Variants in TAF9B observed in about 807,000 individuals in gnomAD.
TAF9B encodes the protein transcription initiation factor TFIID subunit 9B.
In TAF9B, 47 loss-of-function variants were observed where a neutral mutation model predicts 17.6. The ratio of observed to expected loss-of-function variants is 2.68; its 90% CI spans 2.12 to 3.41. The LOEUF is 3.41. Ranked by LOEUF, TAF9B falls within the 30% of genes most tolerant of loss-of-function variation. TAF9B has a pLI of 0.00. For synonymous variants in TAF9B, 84 were observed against 68.7 expected (o/e 1.22, Z -1.10); for missense variants, 218 against 189.3 (o/e 1.15, Z -0.89).
intron 5 of TAF9B, among the ~76,000 whole-genome samples, chrX:78,133,660 G>A (rs1557249779): frequency 1.8e-5 from 2 of 111,741 alleles, no homozygotes; most frequent in Admixed American, 1.9e-4. Flanking sequence ...AAAGAATGTA[G>A]GCTCTGTAGC....
chrX:78,133,442 G>C lies in TAF9B; in HGVS notation c.488C>G (p.Pro163Arg). 1 of 1,201,075 alleles carries C rather than the reference G, an allele frequency of 8.3e-7. No homozygotes were observed. Among genetic ancestry groups the C allele is most frequent in the East Asian group, 3.0e-5 (1 of 33,799 alleles). Residue 163 changes from proline (P) to arginine (R), a missense_variant, in exon 6 of 7, where the codon CCA (proline) becomes CGA (arginine). Physicochemically the swap from Pro to Arg is moderately radical, Grantham distance 103. Coordinates refer to ENST00000341864, the MANE Select transcript of TAF9B (RefSeq NM_015975.5). ...SKPTTPTIAT[P>R]QTVSVPNKVA... is the part of the protein sequence containing the mutation. ...TTTATTTGGGACAGACACCGTTTGT[G>C]GGGTTGCTGTAGTTACAATAAACAG...
rs782577821 is a variant in TAF9B at position 78,131,742 on chromosome X, C to T, written c.624G>A (p.Leu208=). ...VPATTAVQNV[L]INPSMIGPKN... ...TGGGCCCAATCATTGAAGGATTAAT[C>T]AGAACATTTTGAACTGCAGTTGTTG... The change falls in exon 7 of 7, where the codon CTG becomes CTA. Residue 208 remains leucine, a synonymous_variant. Transcript: ENST00000341864. 5.8e-6 allele frequency: 7 copies of T among 1,207,375 alleles called. No individual in the cohort carries two copies. Among genetic ancestry groups the T allele is most frequent in the Non-Finnish European group, 7.8e-6 (7 of 893,972 alleles).
chrX:78,137,102 C>A, intron 4 of TAF9B, 112 bp from the exon 5 acceptor site: 1 of 545,881 alleles, frequency 1.8e-6, no homozygotes, highest in South Asian at 3.4e-5. Context: ...CAAGAAAGTC[C>A]TGTTTTTGTT....
rs186514273 is a variant in TAF9B at position 78,138,726 on chromosome X, G to C, written c.133+117C>G. ...GCCAAGATCGCGCCACTGCCTTCTA[G>C]CCTGGGCAACAGCGAGTCCCTGTCT... On this transcript the variant is annotated intron_variant, in intron 2 of 6. Coordinates refer to ENST00000341864, the MANE Select transcript of TAF9B (RefSeq NM_015975.5). The C allele has an allele frequency of 4.0e-4, 243 of 611,325 alleles. No homozygotes were observed. The African/African-American group carries it at 5.1e-3, about 13-fold the overall frequency. The allele number at this position is 611,325 out of a possible 1,213,427, so 50.4% of individuals were successfully genotyped here. A position where few individuals can be genotyped will look rare whatever the true frequency, so the allele number is the denominator to read the frequency against.
At chrX:78,131,962 ATCTT>A (rs1289913798) in intron 6 of TAF9B, among the ~76,000 whole-genome samples, 189 bp from the exon 7 acceptor site, 3 of 112,504 alleles carry the variant, frequency 2.7e-5, no homozygotes, top group South Asian at 3.6e-4. Flanking sequence ...ATTTTAAAAA[ATCTT>A]TATTTTTAAT....
At chrX:78,136,118 A>C (rs1479874770) in intron 5 of TAF9B, among the ~76,000 whole-genome samples, 1 of 111,598 alleles carries the variant, frequency 9.0e-6, no homozygotes, top group Non-Finnish European at 1.9e-5. Context: ...TTCTGAAAAT[A>C]CTTTGAATAC....
intron 2 of TAF9B, among the ~76,000 whole-genome samples, chrX:78,138,511 C>A (rs1378234060): frequency 8.9e-6 from 1 of 112,745 alleles, no homozygotes; most frequent in Non-Finnish European, 1.9e-5. Flanking sequence ...GTAATCCCAA[C>A]ACTTTGGGAG....
At chrX:78,139,317 G>A (rs2078446857) in intron 1 of TAF9B, among the ~76,000 whole-genome samples, 1 of 111,593 alleles carries the variant, frequency 9.0e-6, no homozygotes, top group Non-Finnish European at 1.9e-5. Context: ...CGAAGCCCAG[G>A]ACACAAAGCT....
At chrX:78,138,646 T>C (rs2078443880) in intron 2 of TAF9B, among the ~76,000 whole-genome samples, 197 bp downstream of exon 2, 1 of 112,140 alleles carries the variant, frequency 8.9e-6, no homozygotes, top group Non-Finnish European at 1.9e-5. Flanking sequence ...TAGTCCCAGC[T>C]CGGGAGGCTG....
At position 78,139,646 on chromosome X, in the gene TAF9B, G is replaced by T. The variant is rs782740319; in HGVS notation, c.-35C>A. On this transcript the variant is annotated 5_prime_UTR_variant, in exon 1 of 7. Coordinates refer to ENST00000341864, the MANE Select transcript of TAF9B (RefSeq NM_015975.5). ...CCACTCGTCATCCGCGGAGACAGAG[G>T]AGAGAGGAGAGCTCGCGGGCTCCTC... 1 of 1,209,307 alleles carries T rather than the reference G, an allele frequency of 8.3e-7. No individual in the cohort carries two copies.
intron 6 of TAF9B, among the ~76,000 whole-genome samples, chrX:78,132,403 C>G (rs138195438): frequency 0.029 from 3,246 of 111,527 alleles, 135 homozygotes; most frequent in Admixed American, 0.16. Context: ...TTTTAACAAC[C>G]TAGAATTTCA....
chrX:78,133,658 T>C (rs1239294034), intron 5 of TAF9B, among the ~76,000 whole-genome samples: 3 of 111,919 alleles, frequency 2.7e-5, no homozygotes, highest in Non-Finnish European at 5.6e-5. Flanking sequence ...GTAAAGAATG[T>C]AGGCTCTGTA....
rs782526456 is a variant in TAF9B at position 78,131,207 on chromosome X, CAGTA to C, written c.*399_*402del. 3.8e-5 allele frequency: 4 copies of C among 105,120 alleles called. No homozygotes were observed. Among genetic ancestry groups the C allele is most frequent in the East Asian group, 3.0e-4 (1 of 3,302 alleles). The allele number at this position is 105,120 out of a possible 1,213,427, so 8.7% of individuals were successfully genotyped here. ...TAAAAAAAAAAAAATTAGCTAGTGACAGTAAGTAACTATATTACCTTATAAAATA... is the reference window on the plus strand; with the variant it reads ...TAAAAAAAAAAAAATTAGCTAGTGACAGTAACTATATTACCTTATAAAATA... On this transcript the variant is annotated 3_prime_UTR_variant, in exon 7 of 7. Coordinates refer to ENST00000341864, the MANE Select transcript of TAF9B (RefSeq NM_015975.5).
rs782173722 is a variant in TAF9B, at chrX:78,138,909, G to T, written c.67C>A (p.Leu23Met). The stretch of plus-strand genomic sequence containing the variant: ...TACTCTGTGATTCCCATATCCTTCA[G>T]GATCTGTGCCATCACCTGTGGATTC... ...PRDALVMAQI[L>M]KDMGITEYEP... is the part of the protein sequence containing the mutation. Residue 23 changes from leucine to methionine, a missense_variant, in exon 2 of 7, where the codon CTG (leucine) becomes ATG (methionine). Transcript: ENST00000341864. The T allele has an allele frequency of 8.3e-7, 1 of 1,202,656 alleles. No homozygotes were observed. The highest frequency in any genetic ancestry group is 1.1e-6 in the Non-Finnish European group (1 of 888,585).
At position 78,131,419 on chromosome X, in the gene TAF9B, T is replaced by C. The variant is rs1569550985; in HGVS notation, c.*191A>G. The C allele has an allele frequency of 5.8e-6, 2 of 343,810 alleles. No homozygotes were observed. The highest frequency in any genetic ancestry group is 5.3e-5 in the African/African-American group (2 of 37,987). The allele number at this position is 343,810 out of a possible 1,213,427, so 28.3% of individuals were successfully genotyped here. On this transcript the variant is annotated 3_prime_UTR_variant, in exon 7 of 7. Coordinates refer to ENST00000341864, the MANE Select transcript of TAF9B (RefSeq NM_015975.5). ...TATTAAGAAACAAGTACTTAACTGT[T>C]TGTAATTGAAGCCTACTGAAAAACA...
At chrX:78,135,319 G>A (rs782491255) in intron 5 of TAF9B, among the ~76,000 whole-genome samples, 1 of 100,712 alleles carries the variant, frequency 9.9e-6, no homozygotes, top group Non-Finnish European at 2.0e-5. Flanking sequence ...GCTCACACCT[G>A]TAATCCTAGC....
At chrX:78,139,205 G>T (rs1001852250) in intron 1 of TAF9B, among the ~76,000 whole-genome samples, 1 of 111,760 alleles carries the variant, frequency 8.9e-6, no homozygotes, top group Non-Finnish European at 1.9e-5. Context: ...AGCTCCAGCT[G>T]GTTGTCATTT....
chrX:78,138,897 C>A lies in TAF9B; in HGVS notation c.79G>T (p.Gly27Ter), dbSNP rs1177621449. ...ACCCTTGGTTCATACTCTGTGATTCCCATATCCTTCAGGATCTGTGCCATC... is the reference window on the plus strand; with the variant it reads ...ACCCTTGGTTCATACTCTGTGATTCACATATCCTTCAGGATCTGTGCCATC... Reference protein sequence around the residue: ...LVMAQILKDMGITEYEPRVIN... With the variant: ...LVMAQILKDM The change falls in exon 2 of 7, where the codon GGA becomes TGA. Residue 27 changes from glycine to a stop codon, truncating the protein, a stop_gained. Transcript: ENST00000341864. LOFTEE classifies it high-confidence loss of function. 1 of 1,205,039 alleles carries A rather than the reference C, an allele frequency of 8.3e-7. No individual in the cohort carries two copies. The highest frequency in any genetic ancestry group is 1.1e-6 in the Non-Finnish European group (1 of 890,943).
Position 78,139,566 on chromosome X carries a change from C to T in TAF9B, c.46G>A (p.Ala16Thr), listed in dbSNP as rs148301222. 4 of 1,212,117 alleles carry T rather than the reference C, an allele frequency of 3.3e-6. No individual in the cohort carries two copies. The highest frequency in any genetic ancestry group is 2.2e-5 in the Admixed American group (1 of 46,125). Residue 16 changes from alanine to threonine, a missense_variant, in exon 1 of 7, where the codon GCC becomes ACC. Ala to Thr is a moderately conservative substitution (Grantham distance 58). Coordinates refer to ENST00000341864, the MANE Select transcript of TAF9B (RefSeq NM_015975.5). ...MAPPKNAPRD[A>T]LVMAQILKDM... ...GGCTTATCCTTCGCACTTACCAAGG[C>T]ATCTCTCGGAGCGTTCTTGGGAGGC...
Sources: gnomAD v4.1 joint callset for allele counts (sites outside exome capture counted in the v4.1 genomes callset) on GRCh38, gnomAD v4.1.1 for gene constraint, MANE v1.5 for transcripts, NCBI Gene and HGNC (gene_info 2026-07-23, HGNC 2026-07-21) for gene names.